The following VRK2 variants were observed in gnomAD, a reference collection of about 807,000 sequenced individuals.
VRK2 encodes the protein serine/threonine-protein kinase VRK2.
VRK2 carries 60 observed loss-of-function variants against 57.6 expected under a neutral mutation model. That is an observed-to-expected ratio of 1.04 (90% CI 0.85 to 1.29). The LOEUF is 1.29. VRK2 is among the 50% of genes most tolerant of loss of function. The pLI is 0.00. For missense variants in VRK2, 705 were observed against 588.1 expected, an observed-to-expected ratio of 1.20 and a Z score of -2.06; for synonymous variants, 231 against 199.2, an observed-to-expected ratio of 1.16 and a Z score of -1.35.
chr2:57,933,745 G>A (rs1296104982), intron 1 of VRK2, among the ~76,000 whole-genome samples: 1 of 151,766 alleles, frequency 6.6e-6, no homozygotes, highest in Non-Finnish European at 1.5e-5. Flanking sequence ...TTGATAGATC[G>A]AGATTTGCAA....
intron 1 of VRK2, among the ~76,000 whole-genome samples, chr2:57,940,228 A>C (rs1671049085): frequency 6.6e-6 from 1 of 152,262 alleles, no homozygotes; most frequent in African/African-American, 2.4e-5. Flanking sequence ...GTGTAATTCC[A>C]GTCTGAATCT....
chr2:58,090,486 A>G (rs10165760), intron 7 of VRK2, among the ~76,000 whole-genome samples: 9,405 of 152,096 alleles, frequency 0.062, 983 homozygotes, highest in African/African-American at 0.21. Context: ...TGACTGTCCA[A>G]TATGGTAGCC....
chr2:58,131,667 GT>G, intron 8 of VRK2, 140 bp from the exon 9 acceptor site: 1 of 1,096,726 alleles, frequency 9.1e-7, no homozygotes, highest in Non-Finnish European at 1.3e-6. Context: ...GGGCGTTTAA[GT>G]TTTATTCCAG....
intron 7 of VRK2, among the ~76,000 whole-genome samples, chr2:58,102,823 T>C (rs542944019): frequency 1.3e-5 from 2 of 151,610 alleles, no homozygotes; most frequent in Non-Finnish European, 3.0e-5. Context: ...CAAGATAGAC[T>C]GTATGTTAGG....
intron 2 of VRK2, among the ~76,000 whole-genome samples, chr2:58,073,848 G>T (rs916726922): frequency 1.3e-5 from 2 of 151,812 alleles, no homozygotes; most frequent in African/African-American, 4.8e-5. Flanking sequence ...AATGATGTAG[G>T]CTGGGAGGCT....
Position 58,036,911 on chromosome 2 carries a change from G to T in VRK2, c.-6+3358G>T, listed in dbSNP as rs960544791. ...AAACATAACTCATGAAGCCGGTACC[G>T]AATTTTTCATTTTGCTTAATCTTAA... On this transcript the variant is annotated intron_variant, in intron 3 of 15. Coordinates refer to the VRK2 transcript ENST00000417641. Among the ~76,000 whole-genome samples the T allele has an allele frequency of 2.6e-5, 4 of 151,866 alleles. No individual in the cohort carries two copies. The East Asian group carries it at 7.7e-4, about 29-fold the overall frequency.
At chr2:57,931,178 T>A (rs1235421702) in intron 1 of VRK2, among the ~76,000 whole-genome samples, 1 of 152,132 alleles carries the variant, frequency 6.6e-6, no homozygotes, top group Non-Finnish European at 1.5e-5. Context: ...GGCTGGACCA[T>A]ACGGTAGTTT....
intron 1 of VRK2, chr2:58,047,311 A>T (rs1674966908): frequency 1.7e-6 from 1 of 580,906 alleles, no homozygotes; most frequent in Admixed American, 6.3e-5. Context: ...GCCCAGGCAC[A>T]TGTTAACCCC....
intron 12 of VRK2, among the ~76,000 whole-genome samples, chr2:58,155,927 T>G (rs1219665189): frequency 6.6e-6 from 1 of 151,774 alleles, no homozygotes; most frequent in Admixed American, 6.6e-5. Context: ...GTTTGTTTTT[T>G]TTTTTTTCCA....
At chr2:58,088,477 T>C in intron 6 of VRK2, 31 bp downstream of exon 6, 1 of 1,468,390 alleles carries the variant, frequency 6.8e-7, no homozygotes, top group Non-Finnish European at 9.5e-7. Flanking sequence ...ATGCTCCATT[T>C]CCAAATTGTT....
chr2:57,955,070 T>C (rs974190870), intron 1 of VRK2, among the ~76,000 whole-genome samples: 1 of 152,132 alleles, frequency 6.6e-6, no homozygotes, highest in Non-Finnish European at 1.5e-5. Context: ...CTATAAGAAT[T>C]GGTGAAGAAC....
chr2:58,090,503 A>C (rs1298236381), intron 7 of VRK2, among the ~76,000 whole-genome samples: 1 of 152,118 alleles, frequency 6.6e-6, no homozygotes, highest in Non-Finnish European at 1.5e-5. Context: ...AGCCATTAGC[A>C]GTATGTGGCT....
intron 8 of VRK2, among the ~76,000 whole-genome samples, chr2:58,124,272 T>C (rs933398649): frequency 5.9e-5 from 9 of 152,194 alleles, no homozygotes; most frequent in African/African-American, 2.2e-4. Flanking sequence ...GAGGTCAATA[T>C]TGAAAATATA....
At chr2:57,914,221 T>A (rs1471200524) in intron 1 of VRK2, among the ~76,000 whole-genome samples, 1 of 151,440 alleles carries the variant, frequency 6.6e-6, no homozygotes, top group African/African-American at 2.4e-5. Context: ...AAGATCCCAA[T>A]GTTTACTATT....
At chr2:57,932,037 G>A (rs900485998) in intron 1 of VRK2, among the ~76,000 whole-genome samples, 2 of 152,032 alleles carry the variant, frequency 1.3e-5, no homozygotes, top group Non-Finnish European at 2.9e-5. Flanking sequence ...TAAATAATTT[G>A]AAATCAAGAA....
At chr2:57,990,691 T>G (rs970379288) in intron 1 of VRK2, among the ~76,000 whole-genome samples, 1 of 152,216 alleles carries the variant, frequency 6.6e-6, no homozygotes, top group Non-Finnish European at 1.5e-5. Context: ...AAAACTTTTG[T>G]CCATTTTTTG....
intron 8 of VRK2, among the ~76,000 whole-genome samples, chr2:58,128,154 C>G (rs1490264877): frequency 6.6e-6 from 1 of 152,130 alleles, no homozygotes; most frequent in East Asian, 1.9e-4. Flanking sequence ...TTGGTCAGTG[C>G]TGCAGCTTAG....
chr2:57,920,828 G>A (rs974074196), intron 1 of VRK2, among the ~76,000 whole-genome samples: 1 of 152,084 alleles, frequency 6.6e-6, no homozygotes, highest in Non-Finnish European at 1.5e-5. Flanking sequence ...CTCCGGCTGG[G>A]TGTAGGTGGC....
chr2:57,934,161 G>A (rs915477092), intron 1 of VRK2, among the ~76,000 whole-genome samples: 1 of 152,032 alleles, frequency 6.6e-6, no homozygotes, highest in East Asian at 1.9e-4. Context: ...ACTAGAGTTG[G>A]AATTTACAGA....
Sources: allele counts gnomAD v4.1 joint callset (sites outside exome capture counted in the v4.1 genomes callset), GRCh38; gene constraint gnomAD v4.1.1; transcripts MANE v1.5; gene names NCBI Gene and HGNC (gene_info 2026-07-23, HGNC 2026-07-21).